The following TENM4 variants were observed in gnomAD, a reference collection of about 807,000 sequenced individuals.
TENM4 encodes teneurin transmembrane protein 4.
A neutral mutation model predicts 243.3 loss-of-function variants in TENM4; 82 were observed. That is an observed-to-expected ratio of 0.34 (90% CI 0.28 to 0.40). The LOEUF is 0.40. Among genes scored for constraint, TENM4 ranks in the 10% least tolerant of loss-of-function variants. TENM4 has a pLI of 1.00. For synonymous variants in TENM4, 1,412 were observed against 1,456.3 expected (o/e 0.97, Z 0.69); for missense variants, 3,138 against 3,673.3 (o/e 0.85, Z 3.77).
chr11:79,275,063 G>A (rs1210996419), intron 2 of TENM4, among the ~76,000 whole-genome samples: 1 of 152,162 alleles, frequency 6.6e-6, no homozygotes, highest in East Asian at 1.9e-4. Context: ...CTTTGAAGAT[G>A]TCTTTGTGGT....
At chr11:79,070,297 G>A (rs1464969122) in intron 4 of TENM4, among the ~76,000 whole-genome samples, 6 of 151,994 alleles carry the variant, frequency 3.9e-5, no homozygotes, top group Non-Finnish European at 4.4e-5. Flanking sequence ...GGGCACTGGT[G>A]GTTAGTAATA....
At chr11:79,259,494 T>C (rs1049361222) in intron 2 of TENM4, among the ~76,000 whole-genome samples, 2 of 150,464 alleles carry the variant, frequency 1.3e-5, no homozygotes, top group Admixed American at 6.6e-5. Context: ...TCCATCCATC[T>C]ATCCATGCAT....
At chr11:78,714,515 C>T (rs1036581615) in intron 25 of TENM4, among the ~76,000 whole-genome samples, 9 of 152,290 alleles carry the variant, frequency 5.9e-5, no homozygotes, top group South Asian at 2.1e-4. Flanking sequence ...GAGGTCTCTC[C>T]GCCTGTAGCC....
intron 3 of TENM4, among the ~76,000 whole-genome samples, chr11:79,167,421 C>A (rs1862938663): frequency 6.6e-6 from 1 of 152,190 alleles, no homozygotes. Context: ...TCTAAGTGCA[C>A]ACTTATACAT....
chr11:79,007,002 G>C (rs1400512800), intron 6 of TENM4, among the ~76,000 whole-genome samples: 1 of 152,114 alleles, frequency 6.6e-6, no homozygotes, highest in African/African-American at 2.4e-5. Flanking sequence ...ACAGAAGACT[G>C]AACCTCCCCC....
chr11:79,070,241 C>T (rs143609547), intron 4 of TENM4, among the ~76,000 whole-genome samples: 3 of 152,278 alleles, frequency 2.0e-5, no homozygotes, highest in African/African-American at 4.8e-5. Context: ...CTTGAGGAGG[C>T]CTCCTCCAGT....
At chr11:79,182,671 T>G (rs1347716118) in intron 3 of TENM4, among the ~76,000 whole-genome samples, 1 of 152,028 alleles carries the variant, frequency 6.6e-6, no homozygotes, top group Non-Finnish European at 1.5e-5. Context: ...CAAAAGACTA[T>G]CTAGTGAAGG....
chr11:79,141,631 C>A (rs1236162897), intron 4 of TENM4, among the ~76,000 whole-genome samples: 1 of 152,076 alleles, frequency 6.6e-6, no homozygotes, highest in Admixed American at 6.6e-5. Flanking sequence ...TACTTCCAAA[C>A]TCATTCTACA....
intron 1 of TENM4, among the ~76,000 whole-genome samples, chr11:79,422,824 C>T (rs969159207): frequency 2.6e-5 from 4 of 152,298 alleles, no homozygotes; most frequent in African/African-American, 9.6e-5. Flanking sequence ...CTCTGGGCTT[C>T]TATTTTGGCT....
chr11:79,121,271 A>T (rs974642674), intron 4 of TENM4, among the ~76,000 whole-genome samples: 11 of 152,232 alleles, frequency 7.2e-5, no homozygotes, highest in African/African-American at 2.7e-4. Flanking sequence ...GCCAGACTTC[A>T]CCCCAAAGTG....
rs539523688 is a variant in TENM4, at chr11:79,121,380, C to T, written c.-66+27330G>A. Among the ~76,000 whole-genome samples the T allele has an allele frequency of 8.5e-5, 13 of 152,292 alleles. No homozygotes were observed. In the East Asian group the frequency reaches 1.9e-3, roughly 23 times the overall value. On this transcript the variant is annotated intron_variant, in intron 4 of 33. Coordinates refer to ENST00000278550, the MANE Select transcript of TENM4 (RefSeq NM_001098816.3). ...CTGTCTTTTTGTATAATCTGGAACA[C>T]GGTTTTCTTTTCCTGGGTTGTTGCT...
chr11:79,054,716 G>A (rs1301891820), intron 6 of TENM4, among the ~76,000 whole-genome samples: 1 of 152,108 alleles, frequency 6.6e-6, no homozygotes, highest in African/African-American at 2.4e-5. Context: ...AAAGTGCTGA[G>A]ATTACAGGCA....
chr11:78,912,162 G>T lies in TENM4; in HGVS notation c.494-8639C>A, dbSNP rs181204909. Among the ~76,000 whole-genome samples the T allele has an allele frequency of 3.9e-3, 593 of 152,274 alleles. 12 individuals carry two copies. The highest frequency in any genetic ancestry group is 8.2e-4 in the Non-Finnish European group (56 of 68,018). On this transcript the variant is annotated intron_variant, in intron 6 of 33. Coordinates refer to ENST00000278550, the MANE Select transcript of TENM4 (RefSeq NM_001098816.3). ...GAGAGACCTGGGCACATGGAATAGA[G>T]ATCTGGCAATGGACCACAAAGAGAG...
At chr11:79,341,671 T>C (rs888232833) in intron 1 of TENM4, among the ~76,000 whole-genome samples, 1 of 152,176 alleles carries the variant, frequency 6.6e-6, no homozygotes, top group African/African-American at 2.4e-5. Flanking sequence ...GACCTCTGAA[T>C]TGGGGCCTCT....
chr11:79,295,294 C>T (rs1856430650), intron 2 of TENM4, among the ~76,000 whole-genome samples: 1 of 152,314 alleles, frequency 6.6e-6, no homozygotes, highest in African/African-American at 2.4e-5. Context: ...CTCAGGAGAC[C>T]TGGCAGAATG....
rs1859113315 is a variant in TENM4, at chr11:78,701,879, CA to C, written c.4733del (p.Leu1578ArgfsTer52). On this transcript the variant is annotated frameshift_variant, in exon 28 of 34. Coordinates refer to ENST00000278550, the MANE Select transcript of TENM4 (RefSeq NM_001098816.3). LOFTEE classifies it high-confidence loss of function. The part of the protein sequence containing the change: ...PFLNTQNMYE[L>X]SSPIDQELYL... ...AGAGCTCCTGGTCAATTGGTGAAGA[CA>C]GCTCATACATGTTCTGGGTGTTGAG... 1 of 1,613,896 alleles carries C rather than the reference CA, an allele frequency of 6.2e-7. No individual in the cohort carries two copies. The highest frequency in any genetic ancestry group is 1.3e-5 in the African/African-American group (1 of 74,930).
intron 4 of TENM4, among the ~76,000 whole-genome samples, chr11:79,143,479 G>C (rs539475687): frequency 6.6e-6 from 1 of 152,052 alleles, no homozygotes; most frequent in African/African-American, 2.4e-5. Flanking sequence ...TTAACAATGA[G>C]AACACTTGGA....
chr11:78,959,694 C>T (rs759924651), intron 6 of TENM4, among the ~76,000 whole-genome samples: 3 of 152,168 alleles, frequency 2.0e-5, no homozygotes, highest in Admixed American at 2.0e-4. Flanking sequence ...GACAAGGTCC[C>T]CTGGGGTGCA....
chr11:79,128,397 C>T (rs536853165), intron 4 of TENM4, among the ~76,000 whole-genome samples: 1 of 152,140 alleles, frequency 6.6e-6, no homozygotes, highest in East Asian at 1.9e-4. Context: ...CAGCAGCATT[C>T]CATCATCAAA....
Sources: allele counts gnomAD v4.1 joint callset (sites outside exome capture counted in the v4.1 genomes callset), GRCh38; gene constraint gnomAD v4.1.1; transcripts MANE v1.5; gene names NCBI Gene and HGNC (gene_info 2026-07-23, HGNC 2026-07-21).